Variants in TMEM120B observed in about 807,000 individuals in gnomAD.
TMEM120B encodes transmembrane protein 120B.
In TMEM120B, 31 loss-of-function variants were observed where a neutral mutation model predicts 55.5. The ratio of observed to expected loss-of-function variants is 0.56; its 90% confidence interval spans 0.42 to 0.75. The LOEUF (loss-of-function observed/expected upper bound fraction) is 0.75, where lower values mean the gene tolerates loss of function less well. Ranked by LOEUF, TMEM120B falls within the 30% of genes least tolerant of loss-of-function variation. The pLI, the probability that TMEM120B is intolerant of heterozygous loss-of-function variation, is 0.00. For synonymous variants in TMEM120B, 203 were observed against 176.3 expected, an observed-to-expected ratio of 1.15 and a Z score of -1.20; for missense variants, 399 against 425.5, an observed-to-expected ratio of 0.94 and a Z score of 0.55.
At position 121,779,437 on chromosome 12, in the gene TMEM120B, G is replaced by A; in HGVS notation, c.*3715G>A. ...GTCGGGATGGGGCAGCCTCCCTGGT[G>A]CAATCGGCACCTGGGCCCCCGGGCC... On this transcript the variant is annotated 3_prime_UTR_variant, in exon 12 of 12. Coordinates refer to ENST00000449592, the MANE Select transcript of TMEM120B (RefSeq NM_001080825.2). 1 of 1,574,524 alleles carries A rather than the reference G, an allele frequency of 6.4e-7. No homozygotes were observed. The highest frequency in any genetic ancestry group is 8.6e-7 in the Non-Finnish European group (1 of 1,159,434).
rs765161713 is a variant in TMEM120B, at chr12:121,773,521, G to A, written c.772+8G>A. ...ACCTGGATCTCACAGTGGGTGAGTA[G>A]CTGGGCCTGGGTTGGAGCCGGGGCA... On this transcript the variant is annotated splice_region_variant and intron_variant, in intron 9 of 11. Coordinates refer to ENST00000449592, the MANE Select transcript of TMEM120B (RefSeq NM_001080825.2). 2 of 1,580,396 alleles carry A rather than the reference G, an allele frequency of 1.3e-6. No individual in the cohort carries two copies. Among genetic ancestry groups the A allele is most frequent in the African/African-American group, 2.7e-5 (2 of 73,150 alleles).
intron 4 of TMEM120B, 140 bp from the exon 5 acceptor site, chr12:121,751,987 CT>C: frequency 1.5e-6 from 1 of 674,764 alleles, no homozygotes; most frequent in Non-Finnish European, 2.6e-6. Context: ...AAGGCCAGGT[CT>C]TTCCTTTAGT....
In TMEM120B at chr12:121,748,318, G is replaced by C. The variant is rs745460865; in HGVS notation, c.189-8G>C. The stretch of plus-strand genomic sequence containing the variant: ...CCCCTTCCCCTGTGCCTGCATCTCT[G>C]TCCGCAGGTGCAAACGCCATGCCAG... On this transcript the variant is annotated splice_polypyrimidine_tract_variant and splice_region_variant and intron_variant, in intron 2 of 11. Transcript: ENST00000449592. 1.6e-5 allele frequency: 26 copies of C among 1,605,958 alleles called. No individual in the cohort carries two copies. Among genetic ancestry groups the C allele is most frequent in the Non-Finnish European group, 2.2e-5 (26 of 1,174,582 alleles).
At chr12:121,751,487 T>A (rs1364473432) in intron 4 of TMEM120B, among the ~76,000 whole-genome samples, 1 of 151,124 alleles carries the variant, frequency 6.6e-6, no homozygotes, top group Non-Finnish European at 1.5e-5. Flanking sequence ...GGCATTCTGT[T>A]CCTTCAGCTC....
At chr12:121,739,016 G>A (rs377090127) in intron 1 of TMEM120B, among the ~76,000 whole-genome samples, 2 of 151,968 alleles carry the variant, frequency 1.3e-5, no homozygotes, top group East Asian at 1.9e-4. Flanking sequence ...GTGAAACCCC[G>A]TCCATCTCTA....
At chr12:121,722,847 A>G (rs893482564) in intron 1 of TMEM120B, among the ~76,000 whole-genome samples, 1 of 91,074 alleles carries the variant, frequency 1.1e-5, no homozygotes, top group African/African-American at 3.6e-5. Flanking sequence ...TTTTAAATTT[A>G]CTTTTTTTTT....
chr12:121,734,478 G>A (rs111327817), intron 1 of TMEM120B, among the ~76,000 whole-genome samples: 25,071 of 151,526 alleles, frequency 0.17, 2,139 homozygotes, highest in African/African-American at 0.19. Flanking sequence ...GGTTGGTCTC[G>A]AACTCCCGAC....
chr12:121,772,101 T>TTCTCTCTTTCTCTCTC (rs1566526492), intron 8 of TMEM120B, among the ~76,000 whole-genome samples: 3 of 139,978 alleles, frequency 2.1e-5, no homozygotes, highest in South Asian at 2.3e-4. Context: ...CTCTCTCTCT[T>TTCTCTCTTTCTCTCTC]TCTCTCTTTC....
chr12:121,746,421 A>C (rs893924052), intron 2 of TMEM120B, among the ~76,000 whole-genome samples: 18 of 152,212 alleles, frequency 1.2e-4, no homozygotes, highest in African/African-American at 4.3e-4. Flanking sequence ...TCCCAACCTC[A>C]GGTGATCGGC....
rs763578268 is a variant in TMEM120B, at chr12:121,781,078, C to G, written c.*5356C>G. On this transcript the variant is annotated 3_prime_UTR_variant, in exon 12 of 12. Coordinates refer to ENST00000449592, the MANE Select transcript of TMEM120B (RefSeq NM_001080825.2). ...TGGGGCCACCACCCAGGAGGCCGGC[C>G]TCACCTTGATGAGGACGTTGTCGTA... The G allele has an allele frequency of 6.2e-7, 1 of 1,614,186 alleles. No homozygotes were observed. Among genetic ancestry groups the G allele is most frequent in the African/African-American group, 1.3e-5 (1 of 75,068 alleles).
chr12:121,741,985 C>T (rs1872944996), intron 1 of TMEM120B, among the ~76,000 whole-genome samples: 1 of 151,432 alleles, frequency 6.6e-6, no homozygotes, highest in Non-Finnish European at 1.5e-5. Context: ...TTTGCCTCTT[C>T]CTTATTTACT....
Position 121,775,760 on chromosome 12 carries a change from T to C in TMEM120B, c.*38T>C, listed in dbSNP as rs777582326. On this transcript the variant is annotated 3_prime_UTR_variant, in exon 12 of 12. Coordinates refer to ENST00000449592, the MANE Select transcript of TMEM120B (RefSeq NM_001080825.2). The surrounding 1 kb of genome is among the most constrained non-coding windows in gnomAD (Gnocchi z 4.3). ...TGTGCCCTCGGCCCGGACTTCAGACTGCAGGGGGCTCCCGGGCTCCTTCCC... is the reference window on the plus strand; with the variant it reads ...TGTGCCCTCGGCCCGGACTTCAGACCGCAGGGGGCTCCCGGGCTCCTTCCC... 6.2e-7 allele frequency: 1 copy of C among 1,606,592 alleles called. No homozygotes were observed.
At position 121,775,371 on chromosome 12, in the gene TMEM120B, G is replaced by A; in HGVS notation, c.907-238G>A. 1.1e-6 allele frequency: 1 copy of A among 948,118 alleles called. No individual in the cohort carries two copies. Among genetic ancestry groups the A allele is most frequent in the Non-Finnish European group, 1.3e-6 (1 of 796,074 alleles). 58.7% of individuals were successfully genotyped at this position (948,118 alleles called of 1,614,324 possible). A position where few individuals can be genotyped will look rare whatever the true frequency, so the allele number is the denominator to read the frequency against. ...CGGGAGGCTTCTGGAAGGGCTAGGG[G>A]TGGAGCCTCTCCCAATCTGTGGATC... On this transcript the variant is annotated intron_variant, in intron 11 of 11. Coordinates refer to ENST00000449592, the MANE Select transcript of TMEM120B (RefSeq NM_001080825.2). This position sits in a 1 kb window ranked among gnomAD's most constrained non-coding sequence, Gnocchi z 4.3.
At chr12:121,738,699 T>G (rs535410810) in intron 1 of TMEM120B, among the ~76,000 whole-genome samples, 2 of 152,308 alleles carry the variant, frequency 1.3e-5, no homozygotes, top group South Asian at 4.1e-4. Context: ...AGAAACTGGA[T>G]GGGCATCCTG....
intron 8 of TMEM120B, among the ~76,000 whole-genome samples, chr12:121,771,833 C>A (rs768890671): frequency 1.3e-5 from 2 of 152,122 alleles, no homozygotes; most frequent in Non-Finnish European, 2.9e-5. Flanking sequence ...TTTTCCAGTC[C>A]TAAATAAGTC....
At position 121,756,821 on chromosome 12, in the gene TMEM120B, A is replaced by C. The variant is rs533078509; in HGVS notation, c.461+4598A>C. 1.0e-3 allele frequency among the ~76,000 whole-genome samples: 153 copies of C among 152,314 alleles called. 2 individuals are homozygous for C. The South Asian group carries it at 0.03, about 30-fold the overall frequency. ...CAAGAGAGTCAGGAACAGACCCTGG[A>C]ATCTCAGGGCCTCAGTTCAAATCTG... On this transcript the variant is annotated intron_variant, in intron 5 of 11. Coordinates refer to ENST00000449592, the MANE Select transcript of TMEM120B (RefSeq NM_001080825.2).
intron 6 of TMEM120B, among the ~76,000 whole-genome samples, chr12:121,763,046 C>A (rs990832281): frequency 6.6e-6 from 1 of 152,116 alleles, no homozygotes; most frequent in Non-Finnish European, 1.5e-5. Context: ...GCCCTGCCTG[C>A]CTCTAAGCTG....
intron 1 of TMEM120B, among the ~76,000 whole-genome samples, chr12:121,729,289 GCA>G (rs1266031873): frequency 1.3e-5 from 2 of 152,170 alleles, no homozygotes; most frequent in Non-Finnish European, 2.9e-5. Context: ...GCATCTCAAA[GCA>G]CAGATCCAAC....
chr12:121,766,633 G>A (rs1349824297), intron 6 of TMEM120B, among the ~76,000 whole-genome samples: 1 of 152,172 alleles, frequency 6.6e-6, no homozygotes, highest in East Asian at 1.9e-4. Context: ...GACTGCAGAG[G>A]GTCCTGATTG....
Sources: allele counts gnomAD v4.1 joint callset (sites outside exome capture counted in the v4.1 genomes callset), GRCh38; gene constraint gnomAD v4.1.1; non-coding constraint Gnocchi (gnomAD v3.1); transcripts MANE v1.5; gene names NCBI Gene and HGNC (gene_info 2026-07-23, HGNC 2026-07-21).